The following KCNMA1 variants were observed in gnomAD, a reference collection of about 807,000 sequenced individuals.
KCNMA1 encodes potassium calcium-activated channel subfamily M alpha 1.
Under a neutral mutation model 140.0 loss-of-function variants are expected in KCNMA1, and 29 were observed. The observed-to-expected ratio is 0.21, with a 90% CI of 0.15 to 0.28. The LOEUF is 0.28. Ranked by LOEUF, KCNMA1 falls within the 10% of genes least tolerant of loss-of-function variation. KCNMA1 has a pLI of 1.00. For missense variants in KCNMA1, 880 were observed against 1,602.2 expected (o/e 0.55, Z 7.70); for synonymous variants, 612 against 611.9 (o/e 1.00, Z 0.00).
intron 14 of KCNMA1, among the ~76,000 whole-genome samples, chr10:77,044,901 C>T (rs918855042): frequency 5.3e-5 from 8 of 151,946 alleles, no homozygotes; most frequent in African/African-American, 1.2e-4. Flanking sequence ...GTTAGGATTT[C>T]GGGGAATGGG....
At chr10:77,487,169 T>G (rs4979884) in intron 1 of KCNMA1, among the ~76,000 whole-genome samples, 6 of 152,150 alleles carry the variant, frequency 3.9e-5, no homozygotes, top group Admixed American at 6.5e-5. Flanking sequence ...AGAATCTAGA[T>G]GAGTAAACCC....
At chr10:77,363,120 AT>A (rs59354140) in intron 2 of KCNMA1, among the ~76,000 whole-genome samples, 8 of 151,036 alleles carry the variant, frequency 5.3e-5, no homozygotes, top group East Asian at 3.9e-4. Flanking sequence ...AATTATTATT[AT>A]TTTTTTTTTC....
intron 1 of KCNMA1, among the ~76,000 whole-genome samples, chr10:77,595,271 T>G (rs1603637998): frequency 7.5e-6 from 1 of 133,536 alleles, no homozygotes; most frequent in South Asian, 2.3e-4. Context: ...CACTTGAACC[T>G]GGGAAGTGGA....
At chr10:77,206,674 C>A (rs1330933102) in intron 3 of KCNMA1, among the ~76,000 whole-genome samples, 1 of 152,078 alleles carries the variant, frequency 6.6e-6, no homozygotes, top group Non-Finnish European at 1.5e-5. Context: ...CCCATAAAAG[C>A]AGAAAACATG....
intron 14 of KCNMA1, among the ~76,000 whole-genome samples, chr10:77,060,580 C>T (rs1048254659): frequency 6.6e-6 from 1 of 152,186 alleles, no homozygotes; most frequent in African/African-American, 2.4e-5. Context: ...TAGATGATGA[C>T]ATTGGGACAT....
intron 24 of KCNMA1, chr10:76,910,601 CCCACTGGGA>C: frequency 4.2e-6 from 1 of 237,700 alleles, no homozygotes; most frequent in Non-Finnish European, 8.3e-6. Context: ...CCGCAGCCTA[CCCACTGGGA>C]TTGGCCTGGG....
intron 1 of KCNMA1, among the ~76,000 whole-genome samples, chr10:77,449,644 AT>A (rs35728303): frequency 0.51 from 58,451 of 113,954 alleles, 10,579 homozygotes; most frequent in Middle Eastern, 0.55. Context: ...TTAATTTTTA[AT>A]TTTTTTTTTT....
intron 13 of KCNMA1, among the ~76,000 whole-genome samples, chr10:77,079,018 C>G (rs1392451785): frequency 2.0e-5 from 3 of 152,188 alleles, no homozygotes; most frequent in African/African-American, 7.2e-5. Context: ...TGCCTGTAAT[C>G]CCAGCACTTT....
intron 1 of KCNMA1, among the ~76,000 whole-genome samples, chr10:77,438,174 T>G (rs1032238133): frequency 3.5e-4 from 54 of 152,270 alleles, no homozygotes; most frequent in African/African-American, 1.2e-3. Context: ...TCCTCCCGCC[T>G]CAGCCTCCCA....
intron 22 of KCNMA1, among the ~76,000 whole-genome samples, chr10:76,945,356 G>A (rs948984258): frequency 3.9e-5 from 6 of 152,252 alleles, no homozygotes; most frequent in African/African-American, 1.4e-4. Context: ...AATGTAACAA[G>A]GGGGTGGGTT....
chr10:76,964,992 C>A lies in KCNMA1; in HGVS notation c.2360+4982G>T, dbSNP rs117588952. On this transcript the variant is annotated intron_variant, in intron 20 of 27. Coordinates refer to ENST00000286628, the MANE Select transcript of KCNMA1 (RefSeq NM_001161352.2). Reference sequence around the variant, plus strand: ...GCTGGGTGCTATCTGTGTAAACTGTCCACCTGATACATCCTATGTAAATCC... The same window carrying A: ...GCTGGGTGCTATCTGTGTAAACTGTACACCTGATACATCCTATGTAAATCC... Among the ~76,000 whole-genome samples, 75 of 152,254 alleles carry A rather than the reference C, an allele frequency of 4.9e-4. No individual in the cohort carries two copies. The East Asian group carries it at 0.013, about 26-fold the overall frequency.
chr10:77,621,068 C>T (rs1001618101), intron 1 of KCNMA1, among the ~76,000 whole-genome samples: 1 of 152,124 alleles, frequency 6.6e-6, no homozygotes, highest in African/African-American at 2.4e-5. Flanking sequence ...ATTCCATGCA[C>T]GGGGTTTGGC....
intron 2 of KCNMA1, chr10:77,304,297 T>C (rs920450010): frequency 2.6e-5 from 4 of 152,270 alleles, no homozygotes; most frequent in Non-Finnish European, 2.9e-5. Flanking sequence ...CCATCTGTTA[T>C]TGCTTATAGA....
Position 76,886,757 on chromosome 10 carries a change from A to C in KCNMA1, c.*509T>G. 9.8e-7 allele frequency: 1 copy of C among 1,020,036 alleles called. No homozygotes were observed. The highest frequency in any genetic ancestry group is 1.2e-6 in the Non-Finnish European group (1 of 850,162). The allele number at this position is 1,020,036 out of a possible 1,614,324, so 63.2% of individuals were successfully genotyped here. ...TTCGGCCCAGAGACTGGAAACAATC[A>C]ATATGTTTTCATTGCTGTTTGGTTG... On this transcript the variant is annotated 3_prime_UTR_variant, in exon 28 of 28. Transcript: ENST00000286628.
chr10:77,309,556 C>T (rs559052344), intron 2 of KCNMA1: 1 of 152,294 alleles, frequency 6.6e-6, no homozygotes, highest in Admixed American at 6.5e-5. Flanking sequence ...GGGTGGGATC[C>T]CTGGTGGGAG....
intron 2 of KCNMA1, among the ~76,000 whole-genome samples, chr10:77,252,770 C>T (rs914861083): frequency 6.6e-6 from 1 of 151,946 alleles, no homozygotes; most frequent in Admixed American, 6.6e-5. Flanking sequence ...CCATTAAAAA[C>T]AATTGGACAC....
At chr10:77,542,698 C>T (rs1019701435) in intron 1 of KCNMA1, among the ~76,000 whole-genome samples, 1 of 149,742 alleles carries the variant, frequency 6.7e-6, no homozygotes, top group Non-Finnish European at 1.5e-5. Context: ...GAAAAGCAAG[C>T]AGCAATCAAA....
At chr10:77,600,914 C>G (rs780610080) in intron 1 of KCNMA1, among the ~76,000 whole-genome samples, 2 of 152,210 alleles carry the variant, frequency 1.3e-5, no homozygotes, top group Admixed American at 1.3e-4. Context: ...ACCACTCCCC[C>G]TCCCAGGCTC....
intron 1 of KCNMA1, among the ~76,000 whole-genome samples, chr10:77,472,490 CACACATACACAT>C (rs2098187298): frequency 6.6e-6 from 1 of 151,488 alleles, no homozygotes; most frequent in Non-Finnish European, 1.5e-5. Context: ...AAACACACAT[CACACATACACAT>C]ACACACACCA....
Sources: gnomAD v4.1 joint callset for allele counts (sites outside exome capture counted in the v4.1 genomes callset) on GRCh38, gnomAD v4.1.1 for gene constraint, MANE v1.5 for transcripts, NCBI Gene and HGNC (gene_info 2026-07-23, HGNC 2026-07-21) for gene names.